Variants in GZF1 observed in about 807,000 individuals in gnomAD.
The protein encoded by GZF1 is GDNF inducible zinc finger protein 1, also known as GDNF-inducible zinc finger protein 1.
GZF1 carries 28 observed loss-of-function variants against 49.4 expected under a neutral mutation model. The ratio of observed to expected loss-of-function variants is 0.57; its 90% CI spans 0.42 to 0.78. The LOEUF is 0.78. Among genes scored for constraint, GZF1 ranks in the 30% least tolerant of loss-of-function variants. GZF1 has a pLI of 0.00. For synonymous variants in GZF1, 364 were observed against 356.0 expected, an observed-to-expected ratio of 1.02 and a Z score of -0.25; for missense variants, 798 against 916.2, an observed-to-expected ratio of 0.87 and a Z score of 1.67.
intron 3 of GZF1, among the ~76,000 whole-genome samples, chr20:23,368,467 CTT>C (rs1981667459): frequency 6.6e-6 from 1 of 152,122 alleles, no homozygotes; most frequent in African/African-American, 2.4e-5. Flanking sequence ...AAATTATTTT[CTT>C]GTTTGGAATG....
At chr20:23,365,845 C>T (rs1981299260) in intron 2 of GZF1, 98 bp downstream of exon 2, 1 of 1,416,574 alleles carries the variant, frequency 7.1e-7, no homozygotes, top group Admixed American at 3.0e-5. Flanking sequence ...CTTAATTTCT[C>T]CGCTCCAAAC....
chr20:23,365,310 A>G lies in GZF1; in HGVS notation c.927A>G (p.Glu309=). 2.5e-6 allele frequency: 4 copies of G among 1,607,972 alleles called. No individual in the cohort carries two copies. Among genetic ancestry groups the G allele is most frequent in the Non-Finnish European group, 3.4e-6 (4 of 1,176,162 alleles). ...EEEEEEEEDE[E]GEKKKSNFKC... is the part of the protein sequence containing the mutation. ...AGGAGGAGGAGGAGGAGGACGAAGAAGGGGAGAAGAAGAAGAGCAACTTTA... is the reference window on the plus strand; with the variant it reads ...AGGAGGAGGAGGAGGAGGACGAAGAGGGGGAGAAGAAGAAGAGCAACTTTA... Residue 309 remains glutamate, a synonymous_variant, in exon 2 of 6, where the codon GAA becomes GAG. Transcript: ENST00000338121.
Position 23,370,627 on chromosome 20 carries a change from A to C in GZF1, c.*186A>C, listed in dbSNP as rs1265931464. The C allele has an allele frequency of 3.4e-6, 2 of 586,008 alleles. No individual in the cohort carries two copies. Among genetic ancestry groups the C allele is most frequent in the Non-Finnish European group, 3.0e-6 (1 of 332,726 alleles). The allele number at this position is 586,008 out of a possible 1,614,324, so 36.3% of individuals were successfully genotyped here. On this transcript the variant is annotated 3_prime_UTR_variant, in exon 6 of 6. Coordinates refer to ENST00000338121, the MANE Select transcript of GZF1 (RefSeq NM_022482.5). ...GCATTTTTAAAGCTTTCCCTCAAAA[A>C]TCCTGATCTGCATGATCTCAGCTAC...
chr20:23,362,624 C>T (rs1158805461), intron 1 of GZF1: 1 of 152,232 alleles, frequency 6.6e-6, no homozygotes, highest in Admixed American at 6.5e-5. Flanking sequence ...GTAGCAGCGT[C>T]TCCTGGAAGG....
Position 23,369,602 on chromosome 20 carries a change from G to GTCA in GZF1, c.1647_1648insCAT (p.Cys549_Asp550insHis), listed in dbSNP as rs1301182785. The GTCA allele has an allele frequency of 6.2e-7, 1 of 1,613,328 alleles. No individual in the cohort carries two copies. Among genetic ancestry groups the GTCA allele is most frequent in the Non-Finnish European group, 8.5e-7 (1 of 1,179,610 alleles). ...GCCTCAGGGGAGCGTCCCTACTGCT[G>GTCA]TGACCAGTGCGGCAAGCAGTTCACC... On this transcript the variant is annotated inframe_insertion, in exon 5 of 6. Coordinates refer to ENST00000338121, the MANE Select transcript of GZF1 (RefSeq NM_022482.5).
At chr20:23,366,274 G>T (rs541462066) in intron 2 of GZF1, among the ~76,000 whole-genome samples, 9 of 152,300 alleles carry the variant, frequency 5.9e-5, no homozygotes, top group South Asian at 2.1e-4. Flanking sequence ...GGTGTGTGGT[G>T]ATGTTTTTAA....
chr20:23,365,188 G>T lies in GZF1; in HGVS notation c.805G>T (p.Val269Leu), dbSNP rs200932803. The T allele has an allele frequency of 1.9e-6, 3 of 1,609,394 alleles. No homozygotes were observed. Among genetic ancestry groups the T allele is most frequent in the Non-Finnish European group, 2.5e-6 (3 of 1,177,568 alleles). Residue 269 changes from valine (V) to leucine (L), a missense_variant, in exon 2 of 6, where the codon GTG becomes TTG. Around this residue, in one of 3 missense-constraint regions of GZF1, gnomAD observed 247 missense variants for 228.5 expected, o/e 1.08. Coordinates refer to ENST00000338121, the MANE Select transcript of GZF1 (RefSeq NM_022482.5). ...RCPQDQSPDR[V>L]GTEMEQVSKN... ...TCCCCAGGACCAAAGCCCGGACAGGGTGGGCACGGAGATGGAGCAGGTTTC... is the reference window on the plus strand; with the variant it reads ...TCCCCAGGACCAAAGCCCGGACAGGTTGGGCACGGAGATGGAGCAGGTTTC...
upstream of GZF1, among the ~76,000 whole-genome samples, chr20:23,361,833 C>T (rs1980687390): frequency 6.6e-6 from 1 of 152,202 alleles, no homozygotes; most frequent in African/African-American, 2.4e-5. Context: ...GGCCAGAAGC[C>T]CGGAATGGAC....
At position 23,364,256 on chromosome 20, in the gene GZF1, G is replaced by T; in HGVS notation, c.-21-107G>T. The T allele has an allele frequency of 8.1e-6, 5 of 614,182 alleles. No homozygotes were observed. In the Admixed American group the frequency reaches 9.5e-5, roughly 12 times the overall value. The allele number at this position is 614,182 out of a possible 1,614,324, so 38.0% of individuals were successfully genotyped here. A position where few individuals can be genotyped will look rare whatever the true frequency, so the allele number is the denominator to read the frequency against. On this transcript the variant is annotated intron_variant, in intron 1 of 5. Transcript: ENST00000338121. ...TCGAATCTTTACCTGAGTAAAGCTA[G>T]GTTGTTAATGAGTCTATATCCTCTC...
intron 3 of GZF1, among the ~76,000 whole-genome samples, chr20:23,367,771 T>C (rs887725887): frequency 6.6e-6 from 1 of 152,212 alleles, no homozygotes; most frequent in Non-Finnish European, 1.5e-5. Flanking sequence ...AAAACTTAAG[T>C]TGGCTTTATT....
In GZF1 at chr20:23,367,371, T is replaced by A. The variant is rs932297290; in HGVS notation, c.1459+274T>A. ...AAAATAGTTCTTTTGTAACCGAAAT[T>A]TTTTTTTCTAAGACTCTGTCCTAAA... On this transcript the variant is annotated intron_variant, in intron 3 of 5. Transcript: ENST00000338121. Among the ~76,000 whole-genome samples, 9 of 152,226 alleles carry A rather than the reference T, an allele frequency of 5.9e-5. No homozygotes were observed. In the East Asian group the frequency reaches 1.5e-3, roughly 26 times the overall value.
rs762468879 is a variant in GZF1 at position 23,369,614 on chromosome 20, G to A, written c.1658G>A (p.Gly553Asp). 1.9e-6 allele frequency: 3 copies of A among 1,613,806 alleles called. No homozygotes were observed. The South Asian group carries it at 3.3e-5, about 18-fold the overall frequency. Residue 553 changes from glycine (G) to aspartate (D), a missense_variant, in exon 5 of 6, where the codon GGC becomes GAC. Coordinates refer to ENST00000338121, the MANE Select transcript of GZF1 (RefSeq NM_022482.5). ...GERPYCCDQC[G>D]KQFTQLNALQ... Reference sequence around the variant, plus strand: ...CGTCCCTACTGCTGTGACCAGTGCGGCAAGCAGTTCACCCAGCTCAACGCC... The same window carrying A: ...CGTCCCTACTGCTGTGACCAGTGCGACAAGCAGTTCACCCAGCTCAACGCC...
Position 23,371,759 on chromosome 20 carries a change from TC to T in GZF1, c.*1320del, listed in dbSNP as rs1014998032. 1.3e-5 allele frequency: 2 copies of T among 152,268 alleles called. No individual in the cohort carries two copies. The highest frequency in any genetic ancestry group is 6.5e-5 in the Admixed American group (1 of 15,286). The allele number at this position is 152,268 out of a possible 1,614,324, so 9.4% of individuals were successfully genotyped here. On this transcript the variant is annotated 3_prime_UTR_variant, in exon 6 of 6. Transcript: ENST00000338121. The stretch of plus-strand genomic sequence containing the variant: ...TTGGAGAATTCTTTTGTTCACTAGT[TC>T]CTTTTTTCTCTACATTTTTAATTTA...
At position 23,369,709 on chromosome 20, in the gene GZF1, A is replaced by G. The variant is rs1224556160; in HGVS notation, c.1753A>G (p.Thr585Ala). 6 of 1,613,520 alleles carry G rather than the reference A, an allele frequency of 3.7e-6. No homozygotes were observed. Among genetic ancestry groups the G allele is most frequent in the Admixed American group, 1.7e-5 (1 of 59,852 alleles). ...FMCNACGRTF[T>A]DKSTLRRHTS... ...GTGCAATGCGTGCGGACGGACATTCACCGACAAGTCCACTCTTCGGCGGCA... is the reference window on the plus strand; with the variant it reads ...GTGCAATGCGTGCGGACGGACATTCGCCGACAAGTCCACTCTTCGGCGGCA... The change falls in exon 5 of 6, where the codon ACC becomes GCC. Residue 585 changes from threonine to alanine, a missense_variant. Transcript: ENST00000338121.
In GZF1 at chr20:23,370,264, C is replaced by T; in HGVS notation, c.1959C>T (p.Val653=). The T allele has an allele frequency of 6.2e-7, 1 of 1,614,200 alleles. No homozygotes were observed. Among genetic ancestry groups the T allele is most frequent in the Non-Finnish European group, 8.5e-7 (1 of 1,180,038 alleles). ...ENGHFHNLAA[V]QDTVPTMQEN... ...GCCATTTCCACAACCTGGCTGCAGT[C>T]CAAGACACTGTACCTACCATGCAGG... Residue 653 remains valine (V), a synonymous_variant, in exon 6 of 6, where the codon GTC becomes GTT. Transcript: ENST00000338121.
Position 23,371,851 on chromosome 20 carries a change from T to C in GZF1, c.*1410T>C, listed in dbSNP as rs530674348. Reference sequence around the variant, plus strand: ...GGTACTTTAAGTTCCAGAATGAACATGTAGCTGCACTATGCCAGAAATTAA... The same window carrying C: ...GGTACTTTAAGTTCCAGAATGAACACGTAGCTGCACTATGCCAGAAATTAA... On this transcript the variant is annotated 3_prime_UTR_variant, in exon 6 of 6. Transcript: ENST00000338121. 2 of 152,360 alleles carry C rather than the reference T, an allele frequency of 1.3e-5. No individual in the cohort carries two copies. Among genetic ancestry groups the C allele is most frequent in the Non-Finnish European group, 2.9e-5 (2 of 68,024 alleles). The allele number at this position is 152,360 out of a possible 1,614,324, so 9.4% of individuals were successfully genotyped here. A position where few individuals can be genotyped will look rare whatever the true frequency, so the allele number is the denominator to read the frequency against.
chr20:23,365,768 A>T, intron 2 of GZF1, 21 bp downstream of exon 2: 1 of 1,499,970 alleles, frequency 6.7e-7, no homozygotes. Context: ...AGCCGTCCGG[A>T]GGGGTCCCTG....
intron 1 of GZF1, chr20:23,363,393 G>C (rs1980922556): frequency 6.6e-6 from 1 of 152,348 alleles, no homozygotes; most frequent in African/African-American, 2.4e-5. Context: ...ATGACGATGG[G>C]GTGACGGTAT....
In GZF1 at chr20:23,365,089, C is replaced by T; in HGVS notation, c.706C>T (p.Pro236Ser). 1.9e-6 allele frequency: 3 copies of T among 1,613,886 alleles called. No individual in the cohort carries two copies. Among genetic ancestry groups the T allele is most frequent in the Non-Finnish European group, 2.5e-6 (3 of 1,180,018 alleles). Residue 236 changes from proline to serine, a missense_variant, in exon 2 of 6, where the codon CCT (proline) becomes TCT (serine). Physicochemically the swap from Pro to Ser is moderately conservative, Grantham distance 74. This residue lies in a region of GZF1 where 247 missense variants were observed against 228.5 expected (regional missense o/e 1.08). Transcript: ENST00000338121. The stretch of plus-strand genomic sequence containing the variant: ...TGGGAGGAAGGTCTTTGTGGAGATC[C>T]CTAAAAAGAAATATACGAGAAGACT... Reference protein sequence around the residue: ...LAGRKVFVEIPKKKYTRRLRE... With the variant: ...LAGRKVFVEISKKKYTRRLRE...
Sources: gnomAD v4.1 joint callset for allele counts (sites outside exome capture counted in the v4.1 genomes callset) on GRCh38, gnomAD v4.1.1 for gene constraint, gnomAD v4.1.1 regional missense constraint, MANE v1.5 for transcripts, NCBI Gene and HGNC (gene_info 2026-07-23, HGNC 2026-07-21) for gene names.